The following EPS8 variants were observed in gnomAD, a reference collection of about 807,000 sequenced individuals.
The protein encoded by EPS8 is EGFR pathway substrate 8, signaling adaptor.
In EPS8, 42 loss-of-function variants were observed where a neutral mutation model predicts 103.8. The ratio of observed to expected loss-of-function variants is 0.40; its 90% confidence interval spans 0.32 to 0.52. The LOEUF (loss-of-function observed/expected upper bound fraction) is 0.52. Among genes scored for constraint, EPS8 ranks in the 20% least tolerant of loss-of-function variants. The probability of loss-of-function intolerance (pLI) is 0.40; values close to 1 mark genes in which losing one functional copy is unlikely to be tolerated. For missense variants in EPS8, 969 were observed against 1,005.1 expected, an observed-to-expected ratio of 0.96 and a Z score of 0.49; for synonymous variants, 344 against 344.6, an observed-to-expected ratio of 1.00 and a Z score of 0.02.
intron 3 of EPS8, among the ~76,000 whole-genome samples, chr12:15,680,711 A>T (rs1418352213): frequency 6.6e-6 from 1 of 152,204 alleles, no homozygotes; most frequent in Non-Finnish European, 1.5e-5. Context: ...TCTATTTTGT[A>T]TCTGAAGTGT....
rs1477331231 is a variant in EPS8, at chr12:15,777,075, G to C, written c.-22+12086C>G. Among the ~76,000 whole-genome samples, 1 of 152,110 alleles carries C rather than the reference G, an allele frequency of 6.6e-6. No homozygotes were observed. The highest frequency in any genetic ancestry group is 1.5e-5 in the Non-Finnish European group (1 of 68,010). ...CTGGCAGAGAGAAAAGATGAAAATA[G>C]CTAGAGATAACAGATATAGATGGAG... On this transcript the variant is annotated intron_variant, in intron 1 of 20. Coordinates refer to ENST00000281172, the MANE Select transcript of EPS8 (RefSeq NM_004447.6). The surrounding 1 kb of genome is among the most constrained non-coding windows in gnomAD (Gnocchi z 4.7).
Position 15,695,789 on chromosome 12 carries a change from A to C in EPS8, c.-21-12817T>G, listed in dbSNP as rs1325704615. Among the ~76,000 whole-genome samples the C allele has an allele frequency of 6.6e-6, 1 of 152,136 alleles. No homozygotes were observed. Among genetic ancestry groups the C allele is most frequent in the Non-Finnish European group, 1.5e-5 (1 of 68,026 alleles). On this transcript the variant is annotated intron_variant, in intron 1 of 20. Transcript: ENST00000281172. This position sits in a 1 kb window ranked among gnomAD's most constrained non-coding sequence, Gnocchi z 5.0. ...CAGGAGTTTGAGACCAGCCTGGCCA[A>C]AATGGCGAAACCCCATCTCTACCAA...
chr12:15,648,181 C>A (rs1945353472), intron 14 of EPS8, among the ~76,000 whole-genome samples: 1 of 152,202 alleles, frequency 6.6e-6, no homozygotes, highest in Non-Finnish European at 1.5e-5. Context: ...GAACTGGGGA[C>A]CCCTGCTATA....
At position 15,682,966 on chromosome 12, in the gene EPS8, G is replaced by T. The variant is rs1170305356; in HGVS notation, c.-15C>A. 6.4e-7 allele frequency: 1 copy of T among 1,554,646 alleles called. No homozygotes were observed. ...TGACCATTCATTGTGTCTTTCACTT[G>T]TGTGTTCTAAAAAAAGAAAGACACA... On this transcript the variant is annotated 5_prime_UTR_variant, in exon 2 of 21. Transcript: ENST00000281172.
At chr12:15,756,314 T>A (rs2136025066) in intron 1 of EPS8, among the ~76,000 whole-genome samples, 1 of 152,312 alleles carries the variant, frequency 6.6e-6, no homozygotes, top group Admixed American at 6.5e-5. Context: ...TTCTTCTTTG[T>A]CTTCAATTAT....
At chr12:15,775,571 G>C (rs1451179134) in intron 1 of EPS8, among the ~76,000 whole-genome samples, 1 of 152,060 alleles carries the variant, frequency 6.6e-6, no homozygotes, top group Admixed American at 6.5e-5. Flanking sequence ...ATTTGAATAG[G>C]AAAAAATGTG....
intron 18 of EPS8, among the ~76,000 whole-genome samples, chr12:15,630,259 T>A (rs991004338): frequency 5.9e-5 from 9 of 151,836 alleles, no homozygotes; most frequent in African/African-American, 2.2e-4. Flanking sequence ...TTTTGTCATA[T>A]TGGGGAAATA....
intron 18 of EPS8, among the ~76,000 whole-genome samples, chr12:15,628,685 G>C (rs1042081523): frequency 7.9e-5 from 12 of 152,222 alleles, no homozygotes; most frequent in African/African-American, 2.4e-4. Context: ...CTTGCCACTT[G>C]CTACGTTGTA....
chr12:15,738,641 T>C lies in EPS8; in HGVS notation c.-22+50520A>G, dbSNP rs1407876564. Among the ~76,000 whole-genome samples, 2 of 152,210 alleles carry C rather than the reference T, an allele frequency of 1.3e-5. No homozygotes were observed. Among genetic ancestry groups the C allele is most frequent in the Non-Finnish European group, 2.9e-5 (2 of 68,026 alleles). On this transcript the variant is annotated intron_variant, in intron 1 of 20. Transcript: ENST00000281172. This position sits in a 1 kb window ranked among gnomAD's most constrained non-coding sequence, Gnocchi z 6.2. The stretch of plus-strand genomic sequence containing the variant: ...TGCATTATTATGCCCTAGGGCATTT[T>C]AAGTACCTTAAAGCACTTGTGTTGT...
rs1037208346 is a variant in EPS8, at chr12:15,704,145, G to A, written c.-21-21173C>T. Reference sequence around the variant, plus strand: ...TCATTTAAAATATCCCTTTAATGGTGTAGTCATTGTGGAAAACAGTATGGC... The same window carrying A: ...TCATTTAAAATATCCCTTTAATGGTATAGTCATTGTGGAAAACAGTATGGC... On this transcript the variant is annotated intron_variant, in intron 1 of 20. Coordinates refer to ENST00000281172, the MANE Select transcript of EPS8 (RefSeq NM_004447.6). This position sits in a 1 kb window ranked among gnomAD's most constrained non-coding sequence, Gnocchi z 4.6. Among the ~76,000 whole-genome samples, 1 of 151,988 alleles carries A rather than the reference G, an allele frequency of 6.6e-6. No individual in the cohort carries two copies. Among genetic ancestry groups the A allele is most frequent in the Non-Finnish European group, 1.5e-5 (1 of 68,000 alleles).
chr12:15,785,833 C>T lies in EPS8; in HGVS notation c.-22+3328G>A, dbSNP rs1030950620. Among the ~76,000 whole-genome samples, 3 of 151,812 alleles carry T rather than the reference C, an allele frequency of 2.0e-5. No homozygotes were observed. Among genetic ancestry groups the T allele is most frequent in the African/African-American group, 7.3e-5 (3 of 41,354 alleles). ...AAAATTCACATTGATGGTAGTATGT[C>T]AAAGAGGCACTGGAGTCAAGCTGTA... On this transcript the variant is annotated intron_variant, in intron 1 of 20. Coordinates refer to ENST00000281172, the MANE Select transcript of EPS8 (RefSeq NM_004447.6). The surrounding 1 kb of genome is among the most constrained non-coding windows in gnomAD (Gnocchi z 4.9).
chr12:15,691,692 G>C (rs1946174289), intron 1 of EPS8, among the ~76,000 whole-genome samples: 1 of 152,124 alleles, frequency 6.6e-6, no homozygotes, highest in Non-Finnish European at 1.5e-5. Flanking sequence ...GATGAAGTGA[G>C]AATCATATCA....
rs1172006149 is a variant in EPS8 at position 15,684,907 on chromosome 12, T to C, written c.-21-1935A>G. Among the ~76,000 whole-genome samples the C allele has an allele frequency of 6.6e-6, 1 of 152,226 alleles. No individual in the cohort carries two copies. The highest frequency in any genetic ancestry group is 1.5e-5 in the Non-Finnish European group (1 of 68,040). On this transcript the variant is annotated intron_variant, in intron 1 of 20. Coordinates refer to ENST00000281172, the MANE Select transcript of EPS8 (RefSeq NM_004447.6). The surrounding 1 kb of genome is among the most constrained non-coding windows in gnomAD (Gnocchi z 4.9). ...CATTGCTGTGCTCCATTTTTGTTGT[T>C]TTCCTTCTTCAGTTTACACTTGGAT...
chr12:15,655,237 T>A (rs1328413978), intron 12 of EPS8, among the ~76,000 whole-genome samples: 1 of 152,156 alleles, frequency 6.6e-6, no homozygotes, highest in Non-Finnish European at 1.5e-5. Flanking sequence ...AAGCCTGTGT[T>A]AACCCCACAG....
Position 15,662,081 on chromosome 12 carries a change from T to TA in EPS8, c.754dup (p.Tyr252LeufsTer3), listed in dbSNP as rs759213770. 1 of 1,613,904 alleles carries TA rather than the reference T, an allele frequency of 6.2e-7. No individual in the cohort carries two copies. Among genetic ancestry groups the TA allele is most frequent in the Non-Finnish European group, 8.5e-7 (1 of 1,179,770 alleles). ...CTCAGGTGTTTCTTCCTGCTCATGA[T>TA]ACTGCCTTGGTTTCTCAACTATAGA... On this transcript the variant is annotated frameshift_variant, in exon 9 of 21. Coordinates refer to ENST00000281172, the MANE Select transcript of EPS8 (RefSeq NM_004447.6). LOFTEE classifies it high-confidence loss of function.
Position 15,690,790 on chromosome 12 carries a change from C to T in EPS8, c.-21-7818G>A, listed in dbSNP as rs761772115. ...AACCCTCAATTCTTAACTGTTCCTT[C>T]TTCCTATTATCCTATGCCTCTTAAC... On this transcript the variant is annotated intron_variant, in intron 1 of 20. Coordinates refer to ENST00000281172, the MANE Select transcript of EPS8 (RefSeq NM_004447.6). This position sits in a 1 kb window ranked among gnomAD's most constrained non-coding sequence, Gnocchi z 4.7. 3.2e-4 allele frequency among the ~76,000 whole-genome samples: 48 copies of T among 152,160 alleles called. No individual in the cohort carries two copies. Among genetic ancestry groups the T allele is most frequent in the Non-Finnish European group, 6.3e-4 (43 of 68,030 alleles).
At chr12:15,660,913 G>A (rs907717594) in intron 9 of EPS8, among the ~76,000 whole-genome samples, 173 bp from the exon 10 acceptor site, 2 of 152,120 alleles carry the variant, frequency 1.3e-5, no homozygotes, top group Non-Finnish European at 2.9e-5. Flanking sequence ...GCCATATTCT[G>A]ACATTTACAT....
chr12:15,651,963 G>A (rs1945423372), intron 13 of EPS8, among the ~76,000 whole-genome samples: 1 of 151,928 alleles, frequency 6.6e-6, no homozygotes, highest in Admixed American at 6.6e-5. Flanking sequence ...CTTATTTTAA[G>A]ATAGAACCCT....
At chr12:15,681,717 A>G (rs990517528) in intron 2 of EPS8, among the ~76,000 whole-genome samples, 1 of 129,866 alleles carries the variant, frequency 7.7e-6, no homozygotes, top group Non-Finnish European at 1.6e-5. Context: ...TGACAGAGCG[A>G]GACTCTGTCT....
Sources: allele counts gnomAD v4.1 joint callset (sites outside exome capture counted in the v4.1 genomes callset), GRCh38; gene constraint gnomAD v4.1.1; non-coding constraint Gnocchi (gnomAD v3.1); transcripts MANE v1.5; gene names NCBI Gene and HGNC (gene_info 2026-07-23, HGNC 2026-07-21).